GHR: variants seen among roughly 807,000 people sequenced by gnomAD.
The protein encoded by GHR is GH receptor.
GHR carries 35 observed loss-of-function variants against 67.1 expected under a neutral mutation model. The observed-to-expected ratio is 0.52, with a 90% CI of 0.40 to 0.69. The LOEUF is 0.69. GHR is among the 30% of genes least tolerant of loss of function. The probability of loss-of-function intolerance (pLI) is 0.00; values close to 1 mark genes in which losing one functional copy is unlikely to be tolerated. For missense variants in GHR, 792 were observed against 764.6 expected (o/e 1.04, Z -0.42); for synonymous variants, 272 against 269.1 (o/e 1.01, Z -0.10).
intron 1 of GHR, among the ~76,000 whole-genome samples, chr5:42,487,705 A>G (rs527840828): frequency 2.6e-4 from 39 of 152,096 alleles, no homozygotes; most frequent in Non-Finnish European, 5.0e-4. Context: ...GGGAAATACC[A>G]TTTGTCTTCT....
At chr5:42,477,632 A>G (rs1222110926) in intron 1 of GHR, among the ~76,000 whole-genome samples, 3 of 152,230 alleles carry the variant, frequency 2.0e-5, no homozygotes, top group African/African-American at 7.2e-5. Context: ...TCTGATGGCC[A>G]GTGATGATGA....
chr5:42,620,957 G>A (rs779857082), intron 2 of GHR, among the ~76,000 whole-genome samples: 12 of 152,018 alleles, frequency 7.9e-5, no homozygotes, highest in Non-Finnish European at 1.5e-4. Context: ...TCCAATTTCA[G>A]TCATATGTTC....
At chr5:42,445,866 AAGTGC>A in intron 1 of GHR, among the ~76,000 whole-genome samples, 1 of 152,334 alleles carries the variant, frequency 6.6e-6, no homozygotes, top group African/African-American at 2.4e-5. Context: ...TTACATATTG[AAGTGC>A]CAGGGAATAA....
intron 3 of GHR, among the ~76,000 whole-genome samples, chr5:42,642,240 G>A (rs1387943205): frequency 3.9e-5 from 6 of 152,014 alleles, no homozygotes; most frequent in African/African-American, 1.5e-4. Flanking sequence ...GAATGAGAAC[G>A]CCCTTCTAGT....
chr5:42,528,940 G>A (rs1271174212), intron 1 of GHR, among the ~76,000 whole-genome samples: 5 of 151,868 alleles, frequency 3.3e-5, no homozygotes, highest in Non-Finnish European at 5.9e-5. Context: ...TTAAATTAAA[G>A]TATATACATT....
chr5:42,592,128 G>C (rs908715881), intron 2 of GHR, among the ~76,000 whole-genome samples: 4 of 152,166 alleles, frequency 2.6e-5, no homozygotes, highest in African/African-American at 9.7e-5. Flanking sequence ...TTTCCTAGTA[G>C]GTTGCTGTGG....
At chr5:42,518,180 G>A (rs1322841287) in intron 1 of GHR, among the ~76,000 whole-genome samples, 1 of 148,236 alleles carries the variant, frequency 6.7e-6, no homozygotes, top group East Asian at 1.9e-4. Flanking sequence ...TCATAATAAT[G>A]ATTAATGATA....
At chr5:42,632,991 C>T (rs749516363) in intron 3 of GHR, among the ~76,000 whole-genome samples, 1 of 152,092 alleles carries the variant, frequency 6.6e-6, no homozygotes, top group Non-Finnish European at 1.5e-5. Context: ...TGTGGTTGCA[C>T]GTTCTTTGTA....
intron 2 of GHR, among the ~76,000 whole-genome samples, chr5:42,622,092 C>T (rs1167492516): frequency 1.3e-5 from 2 of 152,116 alleles, no homozygotes; most frequent in African/African-American, 2.4e-5. Context: ...GTAGCCATGA[C>T]CAAAAAGAGG....
chr5:42,525,275 C>G (rs1747659086), intron 1 of GHR, among the ~76,000 whole-genome samples: 1 of 151,782 alleles, frequency 6.6e-6, no homozygotes, highest in Admixed American at 6.6e-5. Flanking sequence ...CCCACCTCTT[C>G]CATCAGCGTG....
chr5:42,445,513 G>A (rs1356253723), intron 1 of GHR, among the ~76,000 whole-genome samples: 2 of 152,124 alleles, frequency 1.3e-5, no homozygotes, highest in East Asian at 3.9e-4. Context: ...CCTGGAAAAG[G>A]GCTCAGTGGT....
At position 42,528,107 on chromosome 5, in the gene GHR, A is replaced by T. The variant is rs1465030199; in HGVS notation, c.-11-37757A>T. ...GGTTAATGTAGTTTTCGTGCCTGTT[A>T]ACACAATGTCCATTCTGCAGCCTAT... On this transcript the variant is annotated intron_variant, in intron 1 of 9. Transcript: ENST00000230882. 3.9e-5 allele frequency among the ~76,000 whole-genome samples: 6 copies of T among 152,186 alleles called. No individual in the cohort carries two copies. In the East Asian group the frequency reaches 1.2e-3, roughly 29 times the overall value.
chr5:42,449,021 G>A (rs1481029042), intron 1 of GHR, among the ~76,000 whole-genome samples: 2 of 152,178 alleles, frequency 1.3e-5, no homozygotes, highest in Non-Finnish European at 2.9e-5. Context: ...GTGCCATGCT[G>A]TTTTGGTGAA....
chr5:42,431,853 C>T (rs370362596), intron 1 of GHR, among the ~76,000 whole-genome samples: 33 of 152,180 alleles, frequency 2.2e-4, no homozygotes, highest in Admixed American at 3.9e-4. Context: ...AGAATTGGAA[C>T]ACATCAAGAG....
chr5:42,670,875 A>AT lies in GHR; in HGVS notation c.137-18015_137-18014insT, dbSNP rs1429822665. Among the ~76,000 whole-genome samples the AT allele has an allele frequency of 3.0e-3, 274 of 90,460 alleles. 2 individuals carry two copies. Among genetic ancestry groups the AT allele is most frequent in the African/African-American group, 1.0e-2 (253 of 25,412 alleles). The allele number at this position is 90,460 out of a possible 152,430, so 59.3% of individuals were successfully genotyped here. On this transcript the variant is annotated intron_variant, in intron 3 of 9. Coordinates refer to ENST00000230882, the MANE Select transcript of GHR (RefSeq NM_000163.5). ...AAAAAAAGCAAAAATTAAAAAAAAAAAAAAAATATATATATATATATAGGC... is the reference window on the plus strand; with the variant it reads ...AAAAAAAGCAAAAATTAAAAAAAAAATAAAAAATATATATATATATATAGGC...
At chr5:42,569,512 G>C (rs1351437513) in intron 2 of GHR, among the ~76,000 whole-genome samples, 1 of 152,136 alleles carries the variant, frequency 6.6e-6, no homozygotes, top group Non-Finnish European at 1.5e-5. Flanking sequence ...AGGAAGAAAA[G>C]AAAGAGGAAG....
At chr5:42,454,645 T>C (rs978290560) in intron 1 of GHR, among the ~76,000 whole-genome samples, 1 of 152,128 alleles carries the variant, frequency 6.6e-6, no homozygotes, top group African/African-American at 2.4e-5. Context: ...AAGTGGAGAA[T>C]AGCCAGTAGT....
chr5:42,453,306 A>G (rs569069651), intron 1 of GHR, among the ~76,000 whole-genome samples: 2 of 152,160 alleles, frequency 1.3e-5, no homozygotes, highest in South Asian at 4.1e-4. Flanking sequence ...CATGGTATAC[A>G]GTTTATTTAC....
At chr5:42,533,057 T>C (rs1462789571) in intron 1 of GHR, among the ~76,000 whole-genome samples, 1 of 152,150 alleles carries the variant, frequency 6.6e-6, no homozygotes, top group Non-Finnish European at 1.5e-5. Flanking sequence ...CTACCAGCAA[T>C]GAATGAGAAC....
Sources: gnomAD v4.1 joint callset for allele counts (sites outside exome capture counted in the v4.1 genomes callset) on GRCh38, gnomAD v4.1.1 for gene constraint, MANE v1.5 for transcripts, NCBI Gene and HGNC (gene_info 2026-07-23, HGNC 2026-07-21) for gene names.